Variants in RIPOR2 observed in about 807,000 individuals in gnomAD.
The protein encoded by RIPOR2 is rho family-interacting cell polarization regulator 2.
RIPOR2 carries 39 observed loss-of-function variants against 114.5 expected under a neutral mutation model. The observed-to-expected ratio is 0.34, with a 90% CI of 0.26 to 0.44. The LOEUF (loss-of-function observed/expected upper bound fraction) is 0.44, where lower values mean the gene tolerates loss of function less well. Ranked by LOEUF, RIPOR2 falls within the 20% of genes least tolerant of loss-of-function variation. The pLI, the probability that RIPOR2 is intolerant of heterozygous loss-of-function variation, is 1.00. For synonymous variants in RIPOR2, 445 were observed against 484.4 expected (o/e 0.92, Z 1.07); for missense variants, 1,007 against 1,255.1 (o/e 0.80, Z 2.99).
intron 1 of RIPOR2, among the ~76,000 whole-genome samples, chr6:24,987,627 A>C (rs1774591800): frequency 6.6e-6 from 1 of 152,236 alleles, no homozygotes; most frequent in Non-Finnish European, 1.5e-5. Flanking sequence ...GTGAGGTGGA[A>C]GGTCCACACT....
chr6:25,003,008 C>T (rs533978918), intron 1 of RIPOR2, among the ~76,000 whole-genome samples: 6 of 152,220 alleles, frequency 3.9e-5, no homozygotes, highest in Non-Finnish European at 8.8e-5. Flanking sequence ...GCAGTTAAAA[C>T]ATGGAACATT....
intron 1 of RIPOR2, among the ~76,000 whole-genome samples, chr6:24,987,434 A>C (rs1014632116): frequency 6.6e-6 from 1 of 152,246 alleles, no homozygotes; most frequent in Admixed American, 6.5e-5. Flanking sequence ...AATTACCTTG[A>C]TGCAACAGAA....
At position 24,832,407 on chromosome 6, in the gene RIPOR2, A is replaced by C; in HGVS notation, c.2209-16T>G. ...AAACAATTTGCTGGTAAAACAAACA[A>C]AACTCCTGTTTCAATTATGTTGTTT... On this transcript the variant is annotated splice_polypyrimidine_tract_variant and intron_variant, in intron 15 of 21. Coordinates refer to ENST00000643898, the MANE Select transcript of RIPOR2 (RefSeq NM_001286445.3). The C allele has an allele frequency of 6.4e-7, 1 of 1,551,556 alleles. No homozygotes were observed. Among genetic ancestry groups the C allele is most frequent in the Non-Finnish European group, 8.7e-7 (1 of 1,146,744 alleles).
chr6:24,966,429 C>G (rs1461410939), intron 1 of RIPOR2, among the ~76,000 whole-genome samples: 1 of 152,194 alleles, frequency 6.6e-6, no homozygotes, highest in Non-Finnish European at 1.5e-5. Flanking sequence ...TAGCCTCCCT[C>G]CCCAAAATGT....
At chr6:24,867,293 C>T (rs1349112580) in intron 6 of RIPOR2, among the ~76,000 whole-genome samples, 1 of 152,178 alleles carries the variant, frequency 6.6e-6, no homozygotes, top group Admixed American at 6.5e-5. Context: ...AGTGTGGTTT[C>T]CGTGCTTTAA....
intron 12 of RIPOR2, among the ~76,000 whole-genome samples, chr6:24,845,351 G>A (rs1263936183): frequency 2.6e-5 from 4 of 152,158 alleles, no homozygotes; most frequent in Admixed American, 1.3e-4. Flanking sequence ...TCTTTTAGGG[G>A]AGGGATGAAG....
At chr6:24,835,653 G>A in intron 15 of RIPOR2, 50 bp downstream of exon 15, 1 of 1,506,186 alleles carries the variant, frequency 6.6e-7, no homozygotes, top group Non-Finnish European at 9.0e-7. Flanking sequence ...CACACTTCCT[G>A]GTATGTAAAT....
At chr6:24,961,619 G>A (rs947514885) in intron 1 of RIPOR2, among the ~76,000 whole-genome samples, 8 of 134,908 alleles carry the variant, frequency 5.9e-5, no homozygotes, top group Admixed American at 1.7e-4. Flanking sequence ...TTGGGGTACA[G>A]TTGTTATTCT....
intron 12 of RIPOR2, 38 bp from the exon 13 acceptor site, chr6:24,843,592 A>T: frequency 7.3e-7 from 1 of 1,363,748 alleles, no homozygotes; most frequent in Non-Finnish European, 9.8e-7. Flanking sequence ...TTTTCAATAC[A>T]AATGATGCAT....
chr6:24,809,717 C>A lies in RIPOR2; in HGVS notation c.3043G>T (p.Gly1015Ter). The change falls in exon 21 of 22, where the codon GGA (glycine) becomes TGA (stop). Residue 1015 changes from glycine to a stop codon, truncating the protein, a stop_gained and splice_region_variant. Coordinates refer to ENST00000643898, the MANE Select transcript of RIPOR2 (RefSeq NM_001286445.3). LOFTEE classifies it high-confidence loss of function. The part of the protein sequence containing the change: ...NVASETLLSL[G>*]EDGRLAYEQL... ...TGTAAACAACAACAATAAAACTCAC[C>A]CAGAGACAAGAGGGTTTCTGAGGCC... is the stretch of plus-strand genomic sequence containing the variant. 1 of 1,534,376 alleles carries A rather than the reference C, an allele frequency of 6.5e-7. No homozygotes were observed. The highest frequency in any genetic ancestry group is 8.8e-7 in the Non-Finnish European group (1 of 1,131,132).
Position 24,817,978 on chromosome 6 carries a change from C to CTTTTTTTTTTTTTTTTTT in RIPOR2, c.2952+563_2952+564insAAAAAAAAAAAAAAAAAA, listed in dbSNP as rs57294288. On this transcript the variant is annotated intron_variant, in intron 20 of 21. Coordinates refer to ENST00000643898, the MANE Select transcript of RIPOR2 (RefSeq NM_001286445.3). Reference sequence around the variant, plus strand: ...ATACTTTCCTTTTCTCTCTCTCTCTCTTTTTTTTTGAGACAGAGTCTGGCT... The same window carrying CTTTTTTTTTTTTTTTTTT: ...ATACTTTCCTTTTCTCTCTCTCTCTCTTTTTTTTTTTTTTTTTTTTTTTTTTTGAGACAGAGTCTGGCT... Among the ~76,000 whole-genome samples, 63 of 118,348 alleles carry CTTTTTTTTTTTTTTTTTT rather than the reference C, an allele frequency of 5.3e-4. 3 individuals are homozygous for CTTTTTTTTTTTTTTTTTT. Among genetic ancestry groups the CTTTTTTTTTTTTTTTTTT allele is most frequent in the Middle Eastern group, 4.7e-3 (1 of 212 alleles). 77.6% of individuals were successfully genotyped at this position (118,348 alleles called of 152,430 possible).
chr6:24,850,524 C>T lies in RIPOR2; in HGVS notation c.885+73G>A, dbSNP rs114950400. ...ATGGAGGGGCAACAGGCAGGGGTCA[C>T]GGGTAAGGGCCCCACCAATGGATCA... On this transcript the variant is annotated intron_variant, in intron 10 of 21. Transcript: ENST00000643898. The T allele has an allele frequency of 0.022, 34,422 of 1,569,748 alleles. 529 individuals are homozygous for T. The highest frequency in any genetic ancestry group is 0.028 in the Non-Finnish European group (31,640 of 1,146,080).
At chr6:24,955,399 G>A (rs1024707304) in intron 1 of RIPOR2, among the ~76,000 whole-genome samples, 2 of 152,044 alleles carry the variant, frequency 1.3e-5, no homozygotes, top group African/African-American at 4.8e-5. Flanking sequence ...AGCCCTGGGG[G>A]ACAGAAGGCT....
intron 1 of RIPOR2, among the ~76,000 whole-genome samples, chr6:25,029,665 G>A (rs1236641193): frequency 6.6e-6 from 1 of 151,978 alleles, no homozygotes; most frequent in Non-Finnish European, 1.5e-5. Flanking sequence ...CTGGGAGTGA[G>A]GGCGAAGGAA....
intron 1 of RIPOR2, among the ~76,000 whole-genome samples, chr6:24,884,057 T>C (rs35258784): frequency 0.14 from 19,581 of 142,388 alleles, 1,364 homozygotes; most frequent in African/African-American, 0.19. Flanking sequence ...GACTAATCTT[T>C]TTTAAAAAGT....
At chr6:24,974,836 G>A (rs994902345) in intron 1 of RIPOR2, among the ~76,000 whole-genome samples, 11 of 152,154 alleles carry the variant, frequency 7.2e-5, no homozygotes, top group East Asian at 1.9e-4. Context: ...ATTGATACAC[G>A]CTACAGCATA....
At position 24,811,400 on chromosome 6, in the gene RIPOR2, A is replaced by AT. The variant is rs1169680457; in HGVS notation, c.2953-1594dup. On this transcript the variant is annotated intron_variant, in intron 20 of 21. Coordinates refer to ENST00000643898, the MANE Select transcript of RIPOR2 (RefSeq NM_001286445.3). ...AGGTGTGTGCCACCATGCCTGGCTA[A>AT]TTTTTTTTGTATTTTTAGTAGAGAC... Among the ~76,000 whole-genome samples, 6 of 128,566 alleles carry AT rather than the reference A, an allele frequency of 4.7e-5. 1 individual carries two copies. The highest frequency in any genetic ancestry group is 7.2e-5 in the Non-Finnish European group (4 of 55,652). 84.3% of individuals were successfully genotyped at this position (128,566 alleles called of 152,430 possible).
intron 14 of RIPOR2, among the ~76,000 whole-genome samples, chr6:24,836,300 C>T (rs556278354): frequency 6.6e-6 from 1 of 152,206 alleles, no homozygotes; most frequent in African/African-American, 2.4e-5. Flanking sequence ...TTTTTCCTGG[C>T]CTCAGATCAA....
chr6:24,843,671 G>T, intron 12 of RIPOR2, 117 bp from the exon 13 acceptor site: 1 of 698,240 alleles, frequency 1.4e-6, no homozygotes, highest in Non-Finnish European at 2.3e-6. Flanking sequence ...AGAACTTTCA[G>T]AATGTTAGCA....
Sources: allele counts gnomAD v4.1 joint callset (sites outside exome capture counted in the v4.1 genomes callset), GRCh38; gene constraint gnomAD v4.1.1; transcripts MANE v1.5; gene names NCBI Gene and HGNC (gene_info 2026-07-23, HGNC 2026-07-21).